The following TAOK1 variants were observed in gnomAD, a reference collection of about 807,000 sequenced individuals.
TAOK1 encodes serine/threonine-protein kinase TAO1.
In TAOK1, 21 loss-of-function variants were observed where a neutral mutation model predicts 138.3. The observed-to-expected ratio is 0.15, with a 90% CI of 0.11 to 0.22. The LOEUF is 0.22. Among genes scored for constraint, TAOK1 ranks in the 10% least tolerant of loss-of-function variants. The pLI is 1.00. For synonymous variants in TAOK1, 361 were observed against 398.4 expected (o/e 0.91, Z 1.12); for missense variants, 651 against 1,227.7 (o/e 0.53, Z 7.02).
At chr17:29,507,833 A>G in intron 13 of TAOK1, 63 bp from the exon 14 acceptor site, 1 of 1,476,220 alleles carries the variant, frequency 6.8e-7, no homozygotes, top group Non-Finnish European at 9.3e-7. Context: ...AGAATTGTCT[A>G]AAATGCTTTT....
chr17:29,529,844 G>T (rs969357598), intron 17 of TAOK1, among the ~76,000 whole-genome samples: 11 of 150,252 alleles, frequency 7.3e-5, no homozygotes, highest in Non-Finnish European at 1.5e-4. Context: ...TCCAGCCTGG[G>T]TGACAGAGCG....
rs58117433 is a variant in TAOK1 at position 29,394,150 on chromosome 17, G to GTTTTTTTTTT, written c.-95+3150_-95+3159dup. On this transcript the variant is annotated intron_variant, in intron 1 of 19. Transcript: ENST00000261716. Reference sequence around the variant, plus strand: ...TATGATTTATTTTAATAATTTGCCAGTTTTTTTTTTTTTTTTTTTTTTTTT... The same window carrying GTTTTTTTTTT: ...TATGATTTATTTTAATAATTTGCCAGTTTTTTTTTTTTTTTTTTTTTTTTTTTTTTTTTTT... 3.9e-3 allele frequency among the ~76,000 whole-genome samples: 189 copies of GTTTTTTTTTT among 48,282 alleles called. 33 individuals are homozygous for GTTTTTTTTTT. The highest frequency in any genetic ancestry group is 5.1e-3 in the Admixed American group (13 of 2,554). The allele number at this position is 48,282 out of a possible 152,430, so 31.7% of individuals were successfully genotyped here.
chr17:29,419,905 G>A (rs547994179), intron 1 of TAOK1, among the ~76,000 whole-genome samples: 1 of 151,816 alleles, frequency 6.6e-6, no homozygotes, highest in East Asian at 1.9e-4. Flanking sequence ...TTTGAGACAG[G>A]GTCTCACTCT....
Position 29,530,400 on chromosome 17 carries a change from T to C in TAOK1, c.2149-7T>C. 1 of 1,612,006 alleles carries C rather than the reference T, an allele frequency of 6.2e-7. No individual in the cohort carries two copies. Among genetic ancestry groups the C allele is most frequent in the Admixed American group, 1.7e-5 (1 of 59,832 alleles). ...ACTTACATAAATGTATTTTTTTTTC[T>C]TCCCAGTCTAAAGAACTCCAAATAA... On this transcript the variant is annotated splice_region_variant and splice_polypyrimidine_tract_variant and intron_variant, in intron 17 of 19. Transcript: ENST00000261716.
intron 1 of TAOK1, among the ~76,000 whole-genome samples, chr17:29,437,442 C>T (rs1906069640): frequency 6.6e-6 from 1 of 152,124 alleles, no homozygotes; most frequent in Admixed American, 6.6e-5. Flanking sequence ...AAGTGATCTG[C>T]CTGCCTCAGC....
At chr17:29,414,586 T>A (rs1905224133) in intron 1 of TAOK1, among the ~76,000 whole-genome samples, 1 of 151,012 alleles carries the variant, frequency 6.6e-6, no homozygotes, top group Non-Finnish European at 1.5e-5. Context: ...AGATGGAGTC[T>A]CACTCTGTCA....
chr17:29,397,678 T>TGTATACATGTATATTCATGTATGATACAC (rs1904682600), intron 1 of TAOK1, among the ~76,000 whole-genome samples: 1 of 145,260 alleles, frequency 6.9e-6, no homozygotes, highest in Non-Finnish European at 1.5e-5. Flanking sequence ...CATGTATACA[T>TGTATACATGTATATTCATGTATGATACAC]GTATACATGT....
At chr17:29,409,343 T>A (rs1327294884) in intron 1 of TAOK1, among the ~76,000 whole-genome samples, 2 of 137,848 alleles carry the variant, frequency 1.5e-5, no homozygotes, top group African/African-American at 5.6e-5. Flanking sequence ...ATTTTTTTTT[T>A]TTTTTTTTTG....
intron 2 of TAOK1, among the ~76,000 whole-genome samples, chr17:29,465,753 G>A (rs1436872789): frequency 7.2e-6 from 1 of 138,600 alleles, no homozygotes; most frequent in Admixed American, 7.4e-5. Flanking sequence ...CTATTGCCTT[G>A]TACTTTCTTA....
intron 8 of TAOK1, 119 bp from the exon 9 acceptor site, chr17:29,489,545 T>G: frequency 1.5e-6 from 1 of 647,546 alleles, no homozygotes; most frequent in East Asian, 3.1e-5. Context: ...TGCAATTTTT[T>G]GTGTAAGTTT....
chr17:29,489,604 G>T lies in TAOK1; in HGVS notation c.656-60G>T, dbSNP rs2031253315. On this transcript the variant is annotated intron_variant, in intron 8 of 19. Transcript: ENST00000261716. ...TTTAAAAAAAAAAAAGGAAAAACGT[G>T]CCCAGGACTTGAGTACCCCTGGAAC... The T allele has an allele frequency of 9.5e-6, 10 of 1,057,458 alleles. No homozygotes were observed. In the South Asian group the frequency reaches 1.6e-4, roughly 17 times the overall value. 65.5% of individuals were successfully genotyped at this position (1,057,458 alleles called of 1,614,324 possible).
intron 1 of TAOK1, among the ~76,000 whole-genome samples, chr17:29,439,864 T>TA (rs371960597): frequency 2.2e-3 from 262 of 118,090 alleles, no homozygotes; most frequent in Middle Eastern, 9.2e-3. Flanking sequence ...CTCTGTCTCC[T>TA]AAAAAAAAAA....
At chr17:29,493,574 A>G (rs941924088) in intron 10 of TAOK1, among the ~76,000 whole-genome samples, 1 of 152,112 alleles carries the variant, frequency 6.6e-6, no homozygotes, top group Non-Finnish European at 1.5e-5. Context: ...TAACTCAGGT[A>G]GTAGTAACCC....
intron 1 of TAOK1, among the ~76,000 whole-genome samples, chr17:29,441,281 A>G (rs1007385972): frequency 6.6e-6 from 1 of 152,096 alleles, no homozygotes; most frequent in Admixed American, 6.5e-5. Flanking sequence ...GACCGAGACT[A>G]CAGGATCACT....
At chr17:29,426,351 A>G (rs534081579) in intron 1 of TAOK1, among the ~76,000 whole-genome samples, 1 of 152,356 alleles carries the variant, frequency 6.6e-6, no homozygotes, top group East Asian at 1.9e-4. Flanking sequence ...AGCTAGTATG[A>G]TAAGTGCAAT....
At chr17:29,477,515 A>C (rs2030971518) in intron 4 of TAOK1, 146 bp from the exon 5 acceptor site, 1 of 273,872 alleles carries the variant, frequency 3.7e-6, no homozygotes, top group Admixed American at 5.5e-5. Context: ...AGTAATATCT[A>C]TATAACTATT....
chr17:29,411,699 A>G (rs1425307974), intron 1 of TAOK1, among the ~76,000 whole-genome samples: 1 of 152,108 alleles, frequency 6.6e-6, no homozygotes, highest in Non-Finnish European at 1.5e-5. Context: ...GGCCTACAGA[A>G]GTACTTTCTA....
intron 1 of TAOK1, among the ~76,000 whole-genome samples, chr17:29,441,243 G>T (rs146857010): frequency 1.4e-4 from 22 of 152,230 alleles, no homozygotes; most frequent in African/African-American, 5.1e-4. Flanking sequence ...TGGCTTGGTG[G>T]TGCATGCCTG....
intron 5 of TAOK1, among the ~76,000 whole-genome samples, chr17:29,477,926 A>G (rs934437603): frequency 6.6e-6 from 1 of 152,114 alleles, no homozygotes; most frequent in Admixed American, 6.6e-5. Flanking sequence ...GTGACTTTAC[A>G]AGTATTTTTC....
Sources: allele counts gnomAD v4.1 joint callset (sites outside exome capture counted in the v4.1 genomes callset), GRCh38; gene constraint gnomAD v4.1.1; transcripts MANE v1.5; gene names NCBI Gene and HGNC (gene_info 2026-07-23, HGNC 2026-07-21).